THSD4: variants seen among roughly 807,000 people sequenced by gnomAD.
The protein encoded by THSD4 is thrombospondin type-1 domain-containing protein 4.
THSD4 carries 69 observed loss-of-function variants against 119.0 expected under a neutral mutation model. The observed-to-expected ratio is 0.58, with a 90% confidence interval of 0.48 to 0.71. The LOEUF is 0.71. Among genes scored for constraint, THSD4 ranks in the 30% least tolerant of loss-of-function variants. THSD4 has a pLI of 0.00. For missense variants in THSD4, 1,393 were observed against 1,391.1 expected (o/e 1.00, Z -0.02); for synonymous variants, 524 against 540.4 (o/e 0.97, Z 0.42).
upstream of THSD4, among the ~76,000 whole-genome samples, chr15:71,114,404 G>C (rs1241125787): frequency 6.6e-6 from 1 of 152,140 alleles, no homozygotes; most frequent in Non-Finnish European, 1.5e-5. Flanking sequence ...AAGCTTTAGA[G>C]GCAGCGATAA....
chr15:71,409,898 T>G (rs1440317187), intron 6 of THSD4, among the ~76,000 whole-genome samples: 1 of 152,042 alleles, frequency 6.6e-6, no homozygotes, highest in Admixed American at 6.6e-5. Flanking sequence ...TTTTTTTTTT[T>G]TGTTTTTTTT....
At chr15:71,766,150 A>T (rs2053713784) in intron 16 of THSD4, among the ~76,000 whole-genome samples, 1 of 152,164 alleles carries the variant, frequency 6.6e-6, no homozygotes. Flanking sequence ...GAAATAAGTT[A>T]TTAAGAAATG....
chr15:71,387,450 G>A (rs1321629570), intron 6 of THSD4, among the ~76,000 whole-genome samples: 1 of 152,118 alleles, frequency 6.6e-6, no homozygotes, highest in Admixed American at 6.5e-5. Flanking sequence ...CTTCCCTAGA[G>A]TCTTTTTCCT....
chr15:71,363,425 G>A lies in THSD4; in HGVS notation c.1016-48262G>A, dbSNP rs1274475539. Among the ~76,000 whole-genome samples, 3 of 152,240 alleles carry A rather than the reference G, an allele frequency of 2.0e-5. No individual in the cohort carries two copies. The East Asian group carries it at 5.8e-4, about 29-fold the overall frequency. ...GAAGCCTGCTCACTGCTCCTGGTGT[G>A]CATGTGTGTACGCGTGTGTGTGTTT... is the stretch of plus-strand genomic sequence containing the variant. On this transcript the variant is annotated intron_variant, in intron 6 of 17. Coordinates refer to ENST00000261862, the MANE Select transcript of THSD4 (RefSeq NM_024817.3).
At chr15:71,239,419 T>C (rs1236486031) in intron 4 of THSD4, among the ~76,000 whole-genome samples, 1 of 152,162 alleles carries the variant, frequency 6.6e-6, no homozygotes, top group Admixed American at 6.6e-5. Flanking sequence ...TTGGGTAACT[T>C]ACCCAAAGTT....
At chr15:71,688,707 CTG>C (rs55653630) in intron 8 of THSD4, among the ~76,000 whole-genome samples, 2,444 of 133,438 alleles carry the variant, frequency 0.018, 73 homozygotes, top group African/African-American at 0.058. Flanking sequence ...TTTTGTATCT[CTG>C]TGTGTGTGTG....
chr15:71,707,586 C>T (rs1021650155), intron 8 of THSD4, among the ~76,000 whole-genome samples: 2 of 152,150 alleles, frequency 1.3e-5, no homozygotes, highest in Non-Finnish European at 2.9e-5. Context: ...CGATAATTTT[C>T]CTGGATTTAA....
At chr15:71,304,582 C>T (rs933190869) in intron 6 of THSD4, among the ~76,000 whole-genome samples, 17 of 152,172 alleles carry the variant, frequency 1.1e-4, no homozygotes, top group South Asian at 1.0e-3. Context: ...TCGGAAGATT[C>T]GGTCGGTATT....
intron 6 of THSD4, among the ~76,000 whole-genome samples, chr15:71,402,377 CTA>C (rs1402058640): frequency 6.6e-6 from 1 of 152,146 alleles, no homozygotes; most frequent in Non-Finnish European, 1.5e-5. Context: ...AGTATGATGA[CTA>C]TGTACATGCA....
intron 7 of THSD4, among the ~76,000 whole-genome samples, chr15:71,516,521 G>T (rs2048364028): frequency 1.3e-5 from 2 of 152,090 alleles, no homozygotes; most frequent in Admixed American, 6.5e-5. Context: ...CAAGTCATTT[G>T]CCAATCTTCA....
chr15:71,426,383 G>A (rs1217144839), intron 7 of THSD4, among the ~76,000 whole-genome samples: 4 of 129,690 alleles, frequency 3.1e-5, no homozygotes, highest in African/African-American at 1.2e-4. Flanking sequence ...GTGTGTGTGT[G>A]TGTGTGTGTG....
chr15:71,504,604 C>T (rs2048161516), intron 7 of THSD4, among the ~76,000 whole-genome samples: 1 of 152,126 alleles, frequency 6.6e-6, no homozygotes, highest in Non-Finnish European at 1.5e-5. Context: ...ATTTTATTAA[C>T]CTTTTTATTT....
At chr15:71,703,359 C>CAG (rs1247495900) in intron 8 of THSD4, among the ~76,000 whole-genome samples, 6 of 152,118 alleles carry the variant, frequency 3.9e-5, no homozygotes, top group African/African-American at 1.4e-4. Flanking sequence ...TATTATATGG[C>CAG]AGGTGAAAAT....
At chr15:71,204,517 C>A (rs1336590825) in intron 3 of THSD4, among the ~76,000 whole-genome samples, 1 of 152,072 alleles carries the variant, frequency 6.6e-6, no homozygotes, top group African/African-American at 2.4e-5. Flanking sequence ...CAGGAAAAAT[C>A]AGAGGCTGTT....
intron 2 of THSD4, among the ~76,000 whole-genome samples, chr15:71,148,035 T>C (rs1015583233): frequency 2.0e-5 from 3 of 146,924 alleles, no homozygotes; most frequent in African/African-American, 7.5e-5. Context: ...CCAGAAGTAC[T>C]GGTCGAGAAA....
rs137905073 is a variant in THSD4, at chr15:71,611,751, A to G, written c.1153-48779A>G. On this transcript the variant is annotated intron_variant, in intron 7 of 17. Coordinates refer to ENST00000261862, the MANE Select transcript of THSD4 (RefSeq NM_024817.3). Reference sequence around the variant, plus strand: ...ATTACAGGAGGCTTTTTGTTTGCCAAGCGAATGAGGACAAATAAGGCAGAG... The same window carrying G: ...ATTACAGGAGGCTTTTTGTTTGCCAGGCGAATGAGGACAAATAAGGCAGAG... 2.0e-4 allele frequency among the ~76,000 whole-genome samples: 31 copies of G among 152,358 alleles called. No individual in the cohort carries two copies. The East Asian group carries it at 5.8e-3, about 28-fold the overall frequency.
chr15:71,753,078 G>A (rs2053478356), intron 14 of THSD4, among the ~76,000 whole-genome samples: 1 of 152,232 alleles, frequency 6.6e-6, no homozygotes, highest in Non-Finnish European at 1.5e-5. Flanking sequence ...AGTACAGAGT[G>A]TGTCTTATTG....
chr15:71,755,913 G>A (rs1350259145), intron 14 of THSD4, among the ~76,000 whole-genome samples: 1 of 152,140 alleles, frequency 6.6e-6, no homozygotes, highest in Non-Finnish European at 1.5e-5. Flanking sequence ...AAGGGAAAGA[G>A]CATTCTGGGT....
Position 71,317,905 on chromosome 15 carries a change from G to A in THSD4, c.1015+61190G>A, listed in dbSNP as rs577103561. 7.9e-5 allele frequency among the ~76,000 whole-genome samples: 12 copies of A among 152,304 alleles called. No homozygotes were observed. In the South Asian group the frequency reaches 2.5e-3, roughly 32 times the overall value. On this transcript the variant is annotated intron_variant, in intron 6 of 17. Coordinates refer to ENST00000261862, the MANE Select transcript of THSD4 (RefSeq NM_024817.3). Reference sequence around the variant, plus strand: ...TAAATGAGATACACTACCTAACGCAGTTGATTAGCAAATGCCTGGTATTTG... The same window carrying A: ...TAAATGAGATACACTACCTAACGCAATTGATTAGCAAATGCCTGGTATTTG...
Sources: gnomAD v4.1 joint callset for allele counts (sites outside exome capture counted in the v4.1 genomes callset) on GRCh38, gnomAD v4.1.1 for gene constraint, MANE v1.5 for transcripts, NCBI Gene and HGNC (gene_info 2026-07-23, HGNC 2026-07-21) for gene names.